Variants in ABHD14B observed in about 807,000 individuals in gnomAD.
ABHD14B encodes putative protein-lysine deacylase ABHD14B.
In ABHD14B, 19 loss-of-function variants were observed where a neutral mutation model predicts 15.4. The observed-to-expected ratio is 1.23, with a 90% confidence interval of 0.86 to 1.81. The LOEUF is 1.81. Among genes scored for constraint, ABHD14B ranks in the 40% most tolerant of loss-of-function variants. The pLI, the probability that ABHD14B is intolerant of heterozygous loss-of-function variation, is 0.00. For missense variants in ABHD14B, 243 were observed against 267.0 expected, an observed-to-expected ratio of 0.91 and a Z score of 0.63; for synonymous variants, 92 against 117.3, an observed-to-expected ratio of 0.78 and a Z score of 1.39.
chr3:51,974,208 G>A (rs1700732357), upstream of ABHD14B: 1 of 459,230 alleles, frequency 2.2e-6, no homozygotes, highest in Non-Finnish European at 3.7e-6. Flanking sequence ...ACGCGGTGCT[G>A]AGCACGGTTT....
chr3:51,973,170 G>A (rs1410819035), intron 1 of ABHD14B, among the ~76,000 whole-genome samples: 1 of 150,778 alleles, frequency 6.6e-6, no homozygotes, highest in Non-Finnish European at 1.5e-5. Context: ...TCAGCCTCCC[G>A]GGTAGCTGGG....
chr3:51,971,777 G>A (rs1283957229), intron 1 of ABHD14B, 79 bp from the exon 2 acceptor site: 2 of 1,487,614 alleles, frequency 1.3e-6, no homozygotes, highest in Non-Finnish European at 1.8e-6. Flanking sequence ...CAGCAAGGAA[G>A]CCTCCAGGAG....
chr3:51,974,144 T>C, upstream of ABHD14B: 1 of 934,262 alleles, frequency 1.1e-6, no homozygotes, highest in Non-Finnish European at 1.4e-6. Context: ...TCCGCTAAAC[T>C]CGTTCTCACA....
rs1464767182 is a variant in ABHD14B at position 51,973,218 on chromosome 3, G to T, written c.-29+747C>A. Among the ~76,000 whole-genome samples the T allele has an allele frequency of 1.0e-3, 145 of 139,848 alleles. No homozygotes were observed. The East Asian group carries it at 0.018, about 17-fold the overall frequency. 91.7% of individuals were successfully genotyped at this position (139,848 alleles called of 152,430 possible). On this transcript the variant is annotated intron_variant, in intron 1 of 3. Transcript: ENST00000361143. ...CGCCACCACGCCCGGCTAATTTTTT[G>T]TTTTTTTTTTTTTAGTACAGACGGG...
intron 2 of ABHD14B, 86 bp downstream of exon 2, chr3:51,971,373 TG>T: frequency 7.3e-7 from 1 of 1,372,848 alleles, no homozygotes; most frequent in Non-Finnish European, 9.6e-7. Flanking sequence ...ACCCCTGGAG[TG>T]GGGAGGGGCT....
Position 51,969,240 on chromosome 3 carries a change from CCT to C in ABHD14B, c.*184_*185del. ...AGAGTTTTTTCTCTTGATTTTACCC[CCT>C]CAGTCTATCACTGCAAGAGAAAGAG... On this transcript the variant is annotated 3_prime_UTR_variant, in exon 4 of 4. Coordinates refer to ENST00000361143, the MANE Select transcript of ABHD14B (RefSeq NM_001146314.2). The C allele has an allele frequency of 3.4e-6, 2 of 587,466 alleles. No individual in the cohort carries two copies. Among genetic ancestry groups the C allele is most frequent in the South Asian group, 5.6e-5 (2 of 35,694 alleles). 36.4% of individuals were successfully genotyped at this position (587,466 alleles called of 1,614,324 possible).
intron 1 of ABHD14B, among the ~76,000 whole-genome samples, chr3:51,972,228 C>CA (rs915483297): frequency 3.3e-5 from 4 of 120,168 alleles, no homozygotes; most frequent in African/African-American, 1.3e-4. Flanking sequence ...CAGAGTGAGA[C>CA]TCGGTCACAA....
chr3:51,973,861 A>G (rs1476626637), intron 1 of ABHD14B, 104 bp downstream of exon 1: 3 of 1,289,412 alleles, frequency 2.3e-6, no homozygotes, highest in African/African-American at 3.0e-5. Context: ...AATGGTGGCA[A>G]CTCCCAAGGA....
At position 51,969,336 on chromosome 3, in the gene ABHD14B, G is replaced by C. The variant is rs1559770848; in HGVS notation, c.*90C>G. The stretch of plus-strand genomic sequence containing the variant: ...ATAGACAGACGCACCTGTTGCATGT[G>C]CATGAGCCAGAGCCTGGGAGAGAAG... On this transcript the variant is annotated 3_prime_UTR_variant, in exon 4 of 4. Coordinates refer to ENST00000361143, the MANE Select transcript of ABHD14B (RefSeq NM_001146314.2). 30 of 1,424,070 alleles carry C rather than the reference G, an allele frequency of 2.1e-5. No individual in the cohort carries two copies. The highest frequency in any genetic ancestry group is 2.9e-5 in the Non-Finnish European group (30 of 1,051,920). The allele number at this position is 1,424,070 out of a possible 1,614,324, so 88.2% of individuals were successfully genotyped here. A position where few individuals can be genotyped will look rare whatever the true frequency, so the allele number is the denominator to read the frequency against.
rs1700725314 is a variant in ABHD14B at position 51,974,023 on chromosome 3, G to C, written c.-87C>G. 1 of 1,288,704 alleles carries C rather than the reference G, an allele frequency of 7.8e-7. No homozygotes were observed. The highest frequency in any genetic ancestry group is 1.0e-6 in the Non-Finnish European group (1 of 988,814). 79.8% of individuals were successfully genotyped at this position (1,288,704 alleles called of 1,614,324 possible). On this transcript the variant is annotated 5_prime_UTR_variant, in exon 1 of 4. Coordinates refer to ENST00000361143, the MANE Select transcript of ABHD14B (RefSeq NM_001146314.2). ...GCAGGCGCGTGCTGGCGGTGACCTG[G>C]GGCCGGAGGAGGAACGCTGGGAAGA...
Position 51,971,692 on chromosome 3 carries a change from G to A in ABHD14B, c.-22C>T, listed in dbSNP as rs1333717266. ...CCATGCCTGCTGCTGCTGTGCTGGT[G>A]AAGGGCCTGTGGTTCAAAACCACGA... is the stretch of plus-strand genomic sequence containing the variant. On this transcript the variant is annotated 5_prime_UTR_variant, in exon 2 of 4. Transcript: ENST00000361143. The A allele has an allele frequency of 6.2e-7, 1 of 1,608,410 alleles. No individual in the cohort carries two copies. Among genetic ancestry groups the A allele is most frequent in the Non-Finnish European group, 8.5e-7 (1 of 1,178,176 alleles).
upstream of ABHD14B, chr3:51,974,355 T>C: frequency 3.5e-6 from 1 of 287,426 alleles, no homozygotes; most frequent in Admixed American, 4.9e-5. Context: ...GGGCAACTTG[T>C]TGGCCTGGCA....
intron 1 of ABHD14B, among the ~76,000 whole-genome samples, chr3:51,972,796 C>T (rs759529503): frequency 6.6e-6 from 1 of 152,158 alleles, no homozygotes; most frequent in South Asian, 2.1e-4. Context: ...GCTCAATCAA[C>T]GGTAAGTTAC....
At chr3:51,969,821 T>C (rs1700619256) in intron 3 of ABHD14B, 122 bp downstream of exon 3, 17 of 1,553,208 alleles carry the variant, frequency 1.1e-5, no homozygotes, top group Non-Finnish European at 1.5e-5. Flanking sequence ...AAGGGTGGAG[T>C]TGGGTGGTCA....
Position 51,969,959 on chromosome 3 carries a change from T to C in ABHD14B, c.437A>G (p.Asn146Ser), listed in dbSNP as rs1577708324. Reference protein sequence around the residue: ...PICTDKINAANYASVKTPALI... With the variant: ...PICTDKINAASYASVKTPALI... ...CAAGGGTACCTTCACACTGGCATAG[T>C]TGGCAGCATTGATTTTGTCAGTGCA... is the stretch of plus-strand genomic sequence containing the variant. Residue 146 changes from asparagine to serine, a missense_variant, in exon 3 of 4, where the codon AAC becomes AGC. Asn to Ser is a conservative substitution (Grantham distance 46). Coordinates refer to ENST00000361143, the MANE Select transcript of ABHD14B (RefSeq NM_001146314.2). The C allele has an allele frequency of 2.5e-6, 4 of 1,614,208 alleles. No homozygotes were observed. Among genetic ancestry groups the C allele is most frequent in the African/African-American group, 2.7e-5 (2 of 75,068 alleles).
chr3:51,969,483 C>G lies in ABHD14B; in HGVS notation c.576G>C (p.Leu192=). Residue 192 remains leucine, a synonymous_variant, in exon 4 of 4, where the codon CTG becomes CTC. Coordinates refer to ENST00000361143, the MANE Select transcript of ABHD14B (RefSeq NM_001146314.2). ...IMKGAGHPCY[L]DKPEEWHTGL... is the part of the protein sequence containing the mutation. ...CTGTATGCCACTCCTCTGGTTTGTC[C>G]AGGTAACAGGGGTGCCCCGCCCCCT... 6.2e-7 allele frequency: 1 copy of G among 1,613,958 alleles called. No individual in the cohort carries two copies. The highest frequency in any genetic ancestry group is 1.1e-5 in the South Asian group (1 of 91,082).
upstream of ABHD14B, chr3:51,974,064 A>G (rs1700728209): frequency 2.3e-6 from 3 of 1,286,390 alleles, no homozygotes; most frequent in Non-Finnish European, 3.0e-6. Flanking sequence ...GGCCCCATCC[A>G]GCGGGGGCGG....
chr3:51,974,033 A>G lies in ABHD14B; in HGVS notation c.-97T>C, dbSNP rs1457588154. 2.3e-6 allele frequency: 3 copies of G among 1,288,168 alleles called. No homozygotes were observed. The highest frequency in any genetic ancestry group is 3.0e-6 in the Non-Finnish European group (3 of 988,748). 79.8% of individuals were successfully genotyped at this position (1,288,168 alleles called of 1,614,324 possible). ...GCTGGCGGTGACCTGGGGCCGGAGG[A>G]GGAACGCTGGGAAGAGGCCGGGCCC... is the stretch of plus-strand genomic sequence containing the variant. On this transcript the variant is annotated 5_prime_UTR_variant, in exon 1 of 4. Coordinates refer to ENST00000361143, the MANE Select transcript of ABHD14B (RefSeq NM_001146314.2).
intron 1 of ABHD14B, 137 bp from the exon 2 acceptor site, chr3:51,971,835 G>A (rs1700661387): frequency 2.9e-6 from 4 of 1,389,026 alleles, no homozygotes; most frequent in Non-Finnish European, 3.7e-6. Flanking sequence ...GGACATAGGT[G>A]TTATTTCTGC....
Sources: gnomAD v4.1 joint callset for allele counts (sites outside exome capture counted in the v4.1 genomes callset) on GRCh38, gnomAD v4.1.1 for gene constraint, MANE v1.5 for transcripts, NCBI Gene and HGNC (gene_info 2026-07-23, HGNC 2026-07-21) for gene names.